Variants in ANKS1B observed in about 807,000 individuals in gnomAD.
The protein encoded by ANKS1B is ankyrin repeat and sterile alpha motif domain-containing protein 1B.
ANKS1B carries 36 observed loss-of-function variants against 148.3 expected under a neutral mutation model. The observed-to-expected ratio is 0.24, with a 90% CI of 0.19 to 0.32. ANKS1B has a LOEUF of 0.32. Among genes scored for constraint, ANKS1B ranks in the 10% least tolerant of loss-of-function variants. The probability of loss-of-function intolerance (pLI) is 1.00; values close to 1 mark genes in which losing one functional copy is unlikely to be tolerated. For missense variants in ANKS1B, 1,157 were observed against 1,542.6 expected, an observed-to-expected ratio of 0.75 and a Z score of 4.19; for synonymous variants, 542 against 560.8, an observed-to-expected ratio of 0.97 and a Z score of 0.47.
At chr12:99,942,149 G>A (rs1190235258) in intron 1 of ANKS1B, among the ~76,000 whole-genome samples, 1 of 152,020 alleles carries the variant, frequency 6.6e-6, no homozygotes, top group Non-Finnish European at 1.5e-5. Context: ...GAAGGCAAAG[G>A]GAAGAATTAA....
chr12:99,730,863 T>G (rs1465846994), intron 8 of ANKS1B, among the ~76,000 whole-genome samples: 1 of 152,228 alleles, frequency 6.6e-6, no homozygotes, highest in African/African-American at 2.4e-5. Context: ...TAAATGTCCG[T>G]AAGACTATTT....
chr12:99,406,769 C>T lies in ANKS1B; in HGVS notation c.1576-6958G>A, dbSNP rs1260939657. Reference sequence around the variant, plus strand: ...AAAGATAAAATTGACAAACCTTTAGCCAGATTAAGAAAAGAGAGATAAGCC... The same window carrying T: ...AAAGATAAAATTGACAAACCTTTAGTCAGATTAAGAAAAGAGAGATAAGCC... On this transcript the variant is annotated intron_variant, in intron 11 of 26. Coordinates refer to ENST00000683438, the MANE Select transcript of ANKS1B (RefSeq NM_001352186.2). Among the ~76,000 whole-genome samples the T allele has an allele frequency of 1.4e-5, 2 of 144,902 alleles. 1 individual carries two copies. Among genetic ancestry groups the T allele is most frequent in the Non-Finnish European group, 3.0e-5 (2 of 65,660 alleles).
intron 17 of ANKS1B, among the ~76,000 whole-genome samples, chr12:98,933,313 CAG>C (rs1349621279): frequency 6.6e-6 from 1 of 152,160 alleles, no homozygotes; most frequent in East Asian, 1.9e-4. Flanking sequence ...TCACATATTG[CAG>C]AGTTTCCTTC....
chr12:99,244,352 A>G lies in ANKS1B; in HGVS notation c.2409T>C (p.Gly803=), dbSNP rs767978801. 1.6e-5 allele frequency: 26 copies of G among 1,605,810 alleles called. No individual in the cohort carries two copies. The highest frequency in any genetic ancestry group is 2.1e-5 in the Non-Finnish European group (25 of 1,176,580). Residue 803 remains glycine, a synonymous_variant, in exon 14 of 27, where the codon GGT becomes GGC. Transcript: ENST00000683438. ...GINNELKEMN[G]ETTRPRCPVQ... is the part of the protein sequence containing the mutation. ...GGAAGGTTGCCTTACTTGTGGTCTC[A>G]CCATTCATCTCTTTAAGTTCGTTGT...
At chr12:99,567,451 G>A (rs969949704) in intron 9 of ANKS1B, among the ~76,000 whole-genome samples, 2 of 151,620 alleles carry the variant, frequency 1.3e-5, no homozygotes, top group South Asian at 2.1e-4. Flanking sequence ...AGAGCCCCCC[G>A]ACACACACAC....
In ANKS1B at chr12:99,222,433, G is replaced by A. The variant is rs113008659; in HGVS notation, c.2419+21909C>T. Among the ~76,000 whole-genome samples the A allele has an allele frequency of 5.7e-3, 862 of 152,154 alleles. 6 individuals are homozygous for A. The highest frequency in any genetic ancestry group is 0.02 in the African/African-American group (815 of 41,524). On this transcript the variant is annotated intron_variant, in intron 14 of 26. Coordinates refer to ENST00000683438, the MANE Select transcript of ANKS1B (RefSeq NM_001352186.2). The stretch of plus-strand genomic sequence containing the variant: ...AGTTCAAGACCAGCCTGGATAATAC[G>A]GCAAAACCCCATCTCTACCAAAAAT...
chr12:98,791,840 T>C (rs1326474293), intron 22 of ANKS1B, among the ~76,000 whole-genome samples: 1 of 152,260 alleles, frequency 6.6e-6, no homozygotes, highest in African/African-American at 2.4e-5. Flanking sequence ...GGAATTTGTA[T>C]GAGGACAGAG....
chr12:99,125,197 G>A (rs2063973717), intron 15 of ANKS1B, among the ~76,000 whole-genome samples: 1 of 152,120 alleles, frequency 6.6e-6, no homozygotes, highest in Non-Finnish European at 1.5e-5. Flanking sequence ...CCTTTGAGTA[G>A]ACAAGAGGGG....
At chr12:99,662,182 T>C (rs1400987567) in intron 8 of ANKS1B, among the ~76,000 whole-genome samples, 2 of 152,222 alleles carry the variant, frequency 1.3e-5, no homozygotes, top group Non-Finnish European at 1.5e-5. Flanking sequence ...ATTCCTTTGC[T>C]TGTCTTCATC....
chr12:99,698,963 T>TGTGTGTGC, intron 8 of ANKS1B, among the ~76,000 whole-genome samples: 1 of 142,634 alleles, frequency 7.0e-6, no homozygotes, highest in South Asian at 2.3e-4. Flanking sequence ...CTGTTCTGTG[T>TGTGTGTGC]GTGTGTGTGG....
At chr12:99,858,478 G>A (rs1423244918) in intron 1 of ANKS1B, among the ~76,000 whole-genome samples, 5 of 152,276 alleles carry the variant, frequency 3.3e-5, no homozygotes, top group Admixed American at 6.5e-5. Flanking sequence ...ATTCCTTGAA[G>A]AACTAAAAGT....
At chr12:99,183,863 G>A (rs549662616) in intron 14 of ANKS1B, among the ~76,000 whole-genome samples, 3 of 152,226 alleles carry the variant, frequency 2.0e-5, no homozygotes, top group East Asian at 1.9e-4. Flanking sequence ...CACCTTGAAG[G>A]ACTGACAATC....
intron 14 of ANKS1B, among the ~76,000 whole-genome samples, chr12:99,183,299 T>C (rs2079361482): frequency 6.6e-6 from 1 of 152,168 alleles, no homozygotes; most frequent in Non-Finnish European, 1.5e-5. Flanking sequence ...TATGCAGCGT[T>C]TCCCAAAGTT....
At chr12:99,487,826 T>A (rs2096512896) in intron 10 of ANKS1B, among the ~76,000 whole-genome samples, 1 of 152,178 alleles carries the variant, frequency 6.6e-6, no homozygotes, top group Non-Finnish European at 1.5e-5. Flanking sequence ...GTCCTAGATA[T>A]GTCTATTAAA....
intron 16 of ANKS1B, among the ~76,000 whole-genome samples, chr12:99,075,104 G>C (rs1464584634): frequency 6.6e-6 from 1 of 152,132 alleles, no homozygotes; most frequent in Non-Finnish European, 1.5e-5. Flanking sequence ...TGATGTTTCT[G>C]GCACAGAATG....
chr12:99,747,830 GA>G (rs1222475111), intron 8 of ANKS1B, among the ~76,000 whole-genome samples: 9 of 152,044 alleles, frequency 5.9e-5, no homozygotes, highest in African/African-American at 2.2e-4. Context: ...TGTGAAAAAT[GA>G]ACCATTTTCT....
intron 16 of ANKS1B, among the ~76,000 whole-genome samples, chr12:99,067,152 T>C (rs111643331): frequency 1.3e-5 from 2 of 152,270 alleles, no homozygotes; most frequent in South Asian, 2.1e-4. Context: ...TTTTTGGACA[T>C]TGAGAACAAA....
intron 9 of ANKS1B, among the ~76,000 whole-genome samples, chr12:99,642,017 C>T (rs1392686): frequency 0.076 from 11,551 of 152,142 alleles, 675 homozygotes; most frequent in East Asian, 0.23. Context: ...ACGTTAAGTG[C>T]TTATCACTGC....
intron 17 of ANKS1B, among the ~76,000 whole-genome samples, chr12:98,964,461 A>G (rs1214063571): frequency 2.0e-5 from 3 of 152,228 alleles, no homozygotes; most frequent in African/African-American, 7.2e-5. Context: ...TACCCAAAAG[A>G]AAGGAAATCA....
Sources: allele counts gnomAD v4.1 joint callset (sites outside exome capture counted in the v4.1 genomes callset), GRCh38; gene constraint gnomAD v4.1.1; transcripts MANE v1.5; gene names NCBI Gene and HGNC (gene_info 2026-07-23, HGNC 2026-07-21).